GRAMD2B: variants seen among roughly 807,000 people sequenced by gnomAD.
GRAMD2B encodes the protein GRAM domain-containing protein 2B.
Under a neutral mutation model 59.2 loss-of-function variants are expected in GRAMD2B, and 41 were observed. The ratio of observed to expected loss-of-function variants is 0.69; its 90% confidence interval spans 0.54 to 0.90. The LOEUF is 0.90. Ranked by LOEUF, GRAMD2B falls within the 40% of genes least tolerant of loss-of-function variation. The probability of loss-of-function intolerance (pLI) is 0.00; values close to 1 mark genes in which losing one functional copy is unlikely to be tolerated. For missense variants in GRAMD2B, 424 were observed against 500.5 expected, an observed-to-expected ratio of 0.85 and a Z score of 1.46; for synonymous variants, 161 against 182.7, an observed-to-expected ratio of 0.88 and a Z score of 0.96.
At chr5:126,492,697 G>A (rs1215938178) in intron 13 of GRAMD2B, among the ~76,000 whole-genome samples, 4 of 152,020 alleles carry the variant, frequency 2.6e-5, no homozygotes, top group Non-Finnish European at 5.9e-5. Context: ...TTCCAGCCTG[G>A]GTGACAGAGC....
intron 1 of GRAMD2B, among the ~76,000 whole-genome samples, chr5:126,399,880 T>C (rs1757678736): frequency 6.6e-6 from 1 of 152,182 alleles, no homozygotes; most frequent in Admixed American, 6.6e-5. Flanking sequence ...AGTGAATCTC[T>C]TGTAGACAGA....
chr5:126,378,251 C>G (rs961921984), intron 1 of GRAMD2B, among the ~76,000 whole-genome samples: 9 of 152,196 alleles, frequency 5.9e-5, no homozygotes, highest in African/African-American at 2.2e-4. Context: ...AAACCACCTT[C>G]TTTTCTGTTT....
intron 6 of GRAMD2B, among the ~76,000 whole-genome samples, chr5:126,479,762 A>G (rs1416106271): frequency 2.0e-5 from 3 of 152,258 alleles, no homozygotes; most frequent in Non-Finnish European, 2.9e-5. Flanking sequence ...ACTCATGGAA[A>G]GGAGGTCTGA....
Position 126,443,803 on chromosome 5 carries a change from A to C in GRAMD2B, c.83+20114A>C, listed in dbSNP as rs187440373. Among the ~76,000 whole-genome samples, 754 of 152,298 alleles carry C rather than the reference A, an allele frequency of 5.0e-3. 2 individuals are homozygous for C. Among genetic ancestry groups the C allele is most frequent in the Non-Finnish European group, 8.0e-3 (543 of 68,016 alleles). On this transcript the variant is annotated intron_variant, in intron 1 of 13. Transcript: ENST00000285689. ...TGTGGGTCATGCCTGTAATCCCAACACTTTGGGAGGCTGAGGCAGGTGGAT... is the reference window on the plus strand; with the variant it reads ...TGTGGGTCATGCCTGTAATCCCAACCCTTTGGGAGGCTGAGGCAGGTGGAT...
At chr5:126,397,689 T>G (rs938720928) in intron 1 of GRAMD2B, among the ~76,000 whole-genome samples, 1 of 152,248 alleles carries the variant, frequency 6.6e-6, no homozygotes, top group Non-Finnish European at 1.5e-5. Context: ...TTGATTTGCA[T>G]ATGTTGAACT....
At chr5:126,380,215 G>C (rs952301307) in intron 1 of GRAMD2B, among the ~76,000 whole-genome samples, 6 of 152,180 alleles carry the variant, frequency 3.9e-5, no homozygotes, top group African/African-American at 1.2e-4. Context: ...TCAGTTGGCT[G>C]TAGGCATTTG....
chr5:126,425,348 C>T (rs56051716), intron 1 of GRAMD2B, among the ~76,000 whole-genome samples: 6,123 of 152,250 alleles, frequency 0.04, 408 homozygotes, highest in African/African-American at 0.13. Context: ...CAATATTATT[C>T]AGCCTTTAAA....
intron 13 of GRAMD2B, 61 bp downstream of exon 13, chr5:126,488,953 G>A: frequency 1.6e-6 from 2 of 1,226,806 alleles, no homozygotes; most frequent in Non-Finnish European, 2.4e-6. Context: ...GTTGCCCTAG[G>A]TCAGGTCAGG....
At chr5:126,366,809 G>A (rs1275554165), upstream of GRAMD2B, among the ~76,000 whole-genome samples, 2 of 148,042 alleles carry the variant, frequency 1.4e-5, no homozygotes, top group African/African-American at 2.5e-5. Context: ...GAAATATGGT[G>A]ACAACTGAAA....
chr5:126,408,935 C>T lies in GRAMD2B; in HGVS notation c.125+37368C>T, dbSNP rs1227062301. 5.4e-5 allele frequency among the ~76,000 whole-genome samples: 8 copies of T among 147,514 alleles called. No individual in the cohort carries two copies. The South Asian group carries it at 6.6e-4, about 12-fold the overall frequency. ...ATTCCCACCTATGAGTGAGAATATG[C>T]GGTGTTTGGCCTTTTGTTCCTGCGA... On this transcript the variant is annotated intron_variant, in intron 1 of 8. Transcript: ENST00000506445.
chr5:126,403,028 A>T (rs570953750), intron 1 of GRAMD2B, among the ~76,000 whole-genome samples: 2 of 152,114 alleles, frequency 1.3e-5, no homozygotes, highest in African/African-American at 4.8e-5. Context: ...GTAGGAGGCA[A>T]GTATTTTTAT....
chr5:126,391,002 A>G (rs1469736693), intron 1 of GRAMD2B, among the ~76,000 whole-genome samples: 1 of 152,098 alleles, frequency 6.6e-6, no homozygotes, highest in African/African-American at 2.4e-5. Flanking sequence ...ATTTCCATCC[A>G]TCATATAGTA....
rs1437816489 is a variant in GRAMD2B at position 126,371,560 on chromosome 5, TTCC to T, written c.121_123del (p.Leu41del). 10 of 1,288,556 alleles carry T rather than the reference TTCC, an allele frequency of 7.8e-6. No individual in the cohort carries two copies. In the South Asian group the frequency reaches 8.6e-5, roughly 11 times the overall value. The allele number at this position is 1,288,556 out of a possible 1,614,324, so 79.8% of individuals were successfully genotyped here. On this transcript the variant is annotated inframe_deletion, in exon 1 of 9. Coordinates refer to the GRAMD2B transcript ENST00000506445. The stretch of plus-strand genomic sequence containing the variant: ...CTCCACAGACAGCCCCAGCTCGGTG[TTCC>T]TCAGGTGGGTACAGCCTGGGCCTGG...
rs778721972 is a variant in GRAMD2B, at chr5:126,434,206, T to C, written c.83+10517T>C. Among the ~76,000 whole-genome samples the C allele has an allele frequency of 1.3e-4, 20 of 152,224 alleles. 1 individual carries two copies. Among genetic ancestry groups the C allele is most frequent in the Non-Finnish European group, 2.5e-4 (17 of 68,032 alleles). ...ATATTATGAAAATAGTAAAATTTTA[T>C]AGTTATTATTCTGTCCTAAATTCAT... On this transcript the variant is annotated intron_variant, in intron 1 of 13. Transcript: ENST00000285689.
At chr5:126,385,704 T>C (rs1016108669) in intron 1 of GRAMD2B, among the ~76,000 whole-genome samples, 1 of 152,220 alleles carries the variant, frequency 6.6e-6, no homozygotes, top group Admixed American at 6.5e-5. Flanking sequence ...CAGGTTCTTA[T>C]GTTGCTTATA....
At chr5:126,478,518 A>T (rs1309256718) in intron 6 of GRAMD2B, among the ~76,000 whole-genome samples, 1 of 152,202 alleles carries the variant, frequency 6.6e-6, no homozygotes, top group Non-Finnish European at 1.5e-5. Flanking sequence ...AAATGGGCAG[A>T]TCGCTTGAGT....
chr5:126,476,174 G>A (rs529354196), intron 5 of GRAMD2B, among the ~76,000 whole-genome samples: 7 of 152,332 alleles, frequency 4.6e-5, no homozygotes, highest in African/African-American at 1.7e-4. Flanking sequence ...TCAGGAGGCT[G>A]AGGCAGGAGA....
At chr5:126,432,252 A>G (rs1173641281) in intron 1 of GRAMD2B, among the ~76,000 whole-genome samples, 4 of 152,210 alleles carry the variant, frequency 2.6e-5, no homozygotes, top group South Asian at 2.1e-4. Context: ...TGATCTGTGT[A>G]TACATGTTGG....
intron 1 of GRAMD2B, among the ~76,000 whole-genome samples, chr5:126,386,438 C>T (rs1469044): frequency 0.76 from 116,014 of 152,152 alleles, 46,376 homozygotes; most frequent in Non-Finnish European, 0.87. Flanking sequence ...GCCTCTTAAA[C>T]AATGAGCATG....
Sources: gnomAD v4.1 joint callset for allele counts (sites outside exome capture counted in the v4.1 genomes callset) on GRCh38, gnomAD v4.1.1 for gene constraint, MANE v1.5 for transcripts, NCBI Gene and HGNC (gene_info 2026-07-23, HGNC 2026-07-21) for gene names.